The following TMEM87B variants were observed in gnomAD, a reference collection of about 807,000 sequenced individuals.
TMEM87B encodes transmembrane protein 87B.
Under a neutral mutation model 80.3 loss-of-function variants are expected in TMEM87B, and 83 were observed. That is an observed-to-expected ratio of 1.03 (90% CI 0.87 to 1.24). The LOEUF (loss-of-function observed/expected upper bound fraction) is 1.24, where lower values mean the gene tolerates loss of function less well. Among genes scored for constraint, TMEM87B ranks in the 50% most tolerant of loss-of-function variants. TMEM87B has a pLI of 0.00. For synonymous variants in TMEM87B, 219 were observed against 230.5 expected (o/e 0.95, Z 0.45); for missense variants, 625 against 674.4 (o/e 0.93, Z 0.81).
intron 2 of TMEM87B, among the ~76,000 whole-genome samples, chr2:112,062,832 T>C (rs1678296533): frequency 6.6e-6 from 1 of 152,188 alleles, no homozygotes. Context: ...CTGGTATATT[T>C]ACTGAGGCCT....
At chr2:112,109,662 G>GTT (rs1390005873) in intron 17 of TMEM87B, among the ~76,000 whole-genome samples, 1 of 101,718 alleles carries the variant, frequency 9.8e-6, no homozygotes, top group African/African-American at 3.9e-5. Context: ...CCTAAGTATG[G>GTT]TCTTTTTTTT....
chr2:112,081,183 T>A, intron 7 of TMEM87B, 65 bp downstream of exon 7: 1 of 1,509,278 alleles, frequency 6.6e-7, no homozygotes, highest in East Asian at 2.3e-5. Flanking sequence ...AGCTTTGTGG[T>A]AGTAATTCCT....
At chr2:112,061,665 A>C (rs896344514) in intron 2 of TMEM87B, among the ~76,000 whole-genome samples, 5 of 152,248 alleles carry the variant, frequency 3.3e-5, no homozygotes, top group African/African-American at 7.2e-5. Flanking sequence ...TGGAAAAAAA[A>C]GTAACGTCAG....
intron 1 of TMEM87B, among the ~76,000 whole-genome samples, chr2:112,057,195 A>G (rs186923511): frequency 3.2e-4 from 49 of 152,292 alleles, no homozygotes; most frequent in African/African-American, 1.1e-3. Context: ...TATTTTCCAC[A>G]TTTCAGGTTG....
chr2:112,059,214 A>G (rs1009224960), intron 1 of TMEM87B, among the ~76,000 whole-genome samples: 3 of 152,146 alleles, frequency 2.0e-5, no homozygotes, highest in African/African-American at 7.2e-5. Context: ...CTCTAACTGC[A>G]GGATTTTTAT....
intron 9 of TMEM87B, among the ~76,000 whole-genome samples, chr2:112,086,612 T>C (rs2104481789): frequency 6.6e-6 from 1 of 152,296 alleles, no homozygotes; most frequent in Middle Eastern, 3.4e-3. Context: ...TTGTTGTGTT[T>C]TTTCAGACCT....
At chr2:112,107,336 C>T (rs1000177222) in intron 16 of TMEM87B, among the ~76,000 whole-genome samples, 19 of 128,760 alleles carry the variant, frequency 1.5e-4, no homozygotes, top group Non-Finnish European at 2.8e-4. Flanking sequence ...CCAGCCTGGG[C>T]GACAGAGTCA....
chr2:112,111,658 C>G (rs536774672), intron 17 of TMEM87B, among the ~76,000 whole-genome samples: 2 of 152,250 alleles, frequency 1.3e-5, no homozygotes, highest in African/African-American at 4.8e-5. Context: ...AGTATTTAGA[C>G]TTTAAACACA....
chr2:112,094,985 G>T (rs901585867), intron 11 of TMEM87B, among the ~76,000 whole-genome samples: 1 of 151,258 alleles, frequency 6.6e-6, no homozygotes, highest in Non-Finnish European at 1.5e-5. Flanking sequence ...AAATGACCCT[G>T]CTTCCTTTGA....
chr2:112,096,998 TAACC>T, intron 11 of TMEM87B, 42 bp from the exon 12 acceptor site: 1 of 1,269,536 alleles, frequency 7.9e-7, no homozygotes, highest in Middle Eastern at 2.3e-4. Flanking sequence ...TTTTTTTTTT[TAACC>T]TCTTATTATT....
rs757419278 is a variant in TMEM87B at position 112,097,260 on chromosome 2, C to G, written c.1241C>G (p.Thr414Ser). 3 of 1,608,386 alleles carry G rather than the reference C, an allele frequency of 1.9e-6. No individual in the cohort carries two copies. In the African/African-American group the frequency reaches 4.0e-5, roughly 22 times the overall value. ...TCTATAGTGTTTATGGGGTGGACAACTAAGACATTTAGAATTGCAAAATGC... is the reference window on the plus strand; with the variant it reads ...TCTATAGTGTTTATGGGGTGGACAAGTAAGACATTTAGAATTGCAAAATGC... ...LASIVFMGWT[T>S]KTFRIAKCQS... Residue 414 changes from threonine (T) to serine (S), a missense_variant, in exon 13 of 19, where the codon ACT becomes AGT. Coordinates refer to ENST00000283206, the MANE Select transcript of TMEM87B (RefSeq NM_032824.3).
chr2:112,071,978 GT>G (rs1461811796), intron 4 of TMEM87B, among the ~76,000 whole-genome samples: 1 of 152,150 alleles, frequency 6.6e-6, no homozygotes, highest in Non-Finnish European at 1.5e-5. Context: ...GTTTATTAGA[GT>G]TTTTAACATG....
Position 112,081,425 on chromosome 2 carries a change from C to T in TMEM87B, c.745C>T (p.Gln249Ter). The T allele has an allele frequency of 6.2e-7, 1 of 1,613,944 alleles. No homozygotes were observed. Among genetic ancestry groups the T allele is most frequent in the Non-Finnish European group, 8.5e-7 (1 of 1,179,966 alleles). Reference protein sequence around the residue: ...ACYWKDILRIQFWIAAVIFLG... With the variant: ...ACYWKDILRI Reference sequence around the variant, plus strand: ...TTATTGGAAAGATATATTAAGAATCCAGTTCTGGATTGCAGCTGTTATTTT... The same window carrying T: ...TTATTGGAAAGATATATTAAGAATCTAGTTCTGGATTGCAGCTGTTATTTT... Residue 249 changes from glutamine to a stop codon, truncating the protein, a stop_gained, in exon 8 of 19, where the codon CAG becomes TAG. Transcript: ENST00000283206. LOFTEE classifies it high-confidence loss of function.
At chr2:112,099,585 C>A (rs187925468) in intron 14 of TMEM87B, among the ~76,000 whole-genome samples, 40 of 145,554 alleles carry the variant, frequency 2.7e-4, no homozygotes, top group African/African-American at 9.8e-4. Context: ...CATACACATA[C>A]TGTTCTGTAC....
chr2:112,096,899 A>T, intron 11 of TMEM87B, 145 bp from the exon 12 acceptor site: 1 of 617,680 alleles, frequency 1.6e-6, no homozygotes. Flanking sequence ...ATATTGGCCA[A>T]GATAACATTT....
chr2:112,098,789 T>C, intron 14 of TMEM87B, 91 bp downstream of exon 14: 1 of 1,277,752 alleles, frequency 7.8e-7, no homozygotes. Context: ...AGGAGAATAG[T>C]CGTTGCTTTT....
chr2:112,101,659 A>G (rs1421702129), intron 15 of TMEM87B, among the ~76,000 whole-genome samples: 3 of 152,202 alleles, frequency 2.0e-5, no homozygotes, highest in African/African-American at 7.2e-5. Context: ...GTAGAAGGAA[A>G]GGGGAGGCAG....
chr2:112,076,844 G>T lies in TMEM87B; in HGVS notation c.502-348G>T, dbSNP rs1323732115. 4.8e-4 allele frequency among the ~76,000 whole-genome samples: 5 copies of T among 10,410 alleles called. No homozygotes were observed. The African/African-American group carries it at 0.015, about 32-fold the overall frequency. The allele number at this position is 10,410 out of a possible 152,430, so 6.8% of individuals were successfully genotyped here. A position where few individuals can be genotyped will look rare whatever the true frequency, so the allele number is the denominator to read the frequency against. On this transcript the variant is annotated intron_variant, in intron 5 of 18. Transcript: ENST00000283206. ...CTACCTGCCATTCCTTTTCTGTTTT[G>T]TGTGTGTGTGTGTGTGTGTGTGTGT...
Position 112,106,047 on chromosome 2 carries a change from C to G in TMEM87B, c.1496C>G (p.Thr499Arg). Reference sequence around the variant, plus strand: ...GCCTCAAAATCAGTTTCCAATGGAACAGCTAAGCCTGCCACTTCTGAGAAC... The same window carrying G: ...GCCTCAAAATCAGTTTCCAATGGAAGAGCTAAGCCTGCCACTTCTGAGAAC... Reference protein sequence around the residue: ...LRASKSVSNGTAKPATSENFD... With the variant: ...LRASKSVSNGRAKPATSENFD... Residue 499 changes from threonine (T) to arginine (R), a missense_variant, in exon 16 of 19, where the codon ACA becomes AGA. Physicochemically the swap from Thr to Arg is moderately conservative, Grantham distance 71. Coordinates refer to ENST00000283206, the MANE Select transcript of TMEM87B (RefSeq NM_032824.3). The G allele has an allele frequency of 6.4e-7, 1 of 1,570,260 alleles. No individual in the cohort carries two copies. The highest frequency in any genetic ancestry group is 1.2e-5 in the South Asian group (1 of 83,126).
Sources: gnomAD v4.1 joint callset for allele counts (sites outside exome capture counted in the v4.1 genomes callset) on GRCh38, gnomAD v4.1.1 for gene constraint, MANE v1.5 for transcripts, NCBI Gene and HGNC (gene_info 2026-07-23, HGNC 2026-07-21) for gene names.